CDSN: variants seen among roughly 807,000 people sequenced by gnomAD.
CDSN encodes the protein S protein.
Under a neutral mutation model 25.6 loss-of-function variants are expected in CDSN, and 11 were observed. The observed-to-expected ratio is 0.43, with a 90% CI of 0.27 to 0.71. The LOEUF (loss-of-function observed/expected upper bound fraction) is 0.71, where lower values mean the gene tolerates loss of function less well. Ranked by LOEUF, CDSN falls within the 30% of genes least tolerant of loss-of-function variation. The pLI is 0.20. For synonymous variants in CDSN, 266 were observed against 267.4 expected (o/e 0.99, Z 0.05); for missense variants, 598 against 670.9 (o/e 0.89, Z 1.20).
At position 31,116,647 on chromosome 6, in the gene CDSN, T is replaced by C; in HGVS notation, c.968A>G (p.Tyr323Cys). The C allele has an allele frequency of 1.2e-6, 2 of 1,612,894 alleles. No homozygotes were observed. The highest frequency in any genetic ancestry group is 8.5e-7 in the Non-Finnish European group (1 of 1,180,000). ...TTTCACAGGGTTCTCTTTGGTGAAG[T>C]AGCCCACAGGGTAGATTTTACCCTT... ...YSKGKIYPVG[Y>C]FTKENPVKGS... The change falls in exon 2 of 2, where the codon TAC (tyrosine) becomes TGC (cysteine). Residue 323 changes from tyrosine (Y) to cysteine (C), a missense_variant. Tyr to Cys is a radical substitution (Grantham distance 194). Transcript: ENST00000376288.
In CDSN at chr6:31,120,388, C is replaced by G. The variant is rs371334209; in HGVS notation, c.32G>C (p.Arg11Pro). 6.3e-7 allele frequency: 1 copy of G among 1,593,810 alleles called. No individual in the cohort carries two copies. Among genetic ancestry groups the G allele is most frequent in the Non-Finnish European group, 8.5e-7 (1 of 1,170,872 alleles). MGSSRAPWMG[R>P]VGGHGMMALL... ...TGCCATCATCCCGTGCCCACCCACA[C>G]GCCCCATCCAGGGTGCCCGAGACGA... The change falls in exon 1 of 2, where the codon CGT (arginine) becomes CCT (proline). Residue 11 changes from arginine to proline, a missense_variant. Transcript: ENST00000376288.
rs1342112178 is a variant in CDSN, at chr6:31,117,398, T to C, written c.217A>G (p.Ser73Gly). Reference protein sequence around the residue: ...SGFSSYSGSSSSGSSISSARS... With the variant: ...SGFSSYSGSSGSGSSISSARS... ...GCACTGGAAATGGAGCTGCCAGAAC[T>C]GCTGGAGCCACTGTAGCTACTGAAA... Residue 73 changes from serine (S) to glycine (G), a missense_variant, in exon 2 of 2, where the codon AGT (serine) becomes GGT (glycine). Physicochemically the swap from Ser to Gly is moderately conservative, Grantham distance 56. Transcript: ENST00000376288. 4.5e-6 allele frequency: 7 copies of C among 1,567,922 alleles called. No homozygotes were observed. Among genetic ancestry groups the C allele is most frequent in the Non-Finnish European group, 6.0e-6 (7 of 1,157,054 alleles).
In CDSN at chr6:31,120,400, G is replaced by T; in HGVS notation, c.20C>A (p.Pro7His). Residue 7 changes from proline to histidine, a missense_variant, in exon 1 of 2, where the codon CCC (proline) becomes CAC (histidine). Transcript: ENST00000376288. ...GTGCCCACCCACACGCCCCATCCAGGGTGCCCGAGACGAGCCCATCTCGGA... is the reference window on the plus strand; with the variant it reads ...GTGCCCACCCACACGCCCCATCCAGTGTGCCCGAGACGAGCCCATCTCGGA... MGSSRAPWMGRVGGHGM... is the reference protein window; with the variant it reads MGSSRAHWMGRVGGHGM... 6.3e-7 allele frequency: 1 copy of T among 1,591,352 alleles called. No homozygotes were observed. The highest frequency in any genetic ancestry group is 8.6e-7 in the Non-Finnish European group (1 of 1,169,500).
chr6:31,116,208 C>G lies in CDSN; in HGVS notation c.1407G>C (p.Gly469=). The change falls in exon 2 of 2, where the codon GGG becomes GGC. Residue 469 remains glycine (G), a synonymous_variant. Transcript: ENST00000376288. Reference sequence around the variant, plus strand: ...CAGGATGGGGAGAGCCATCGGGGCCCCCAGTCAGTGTCAAGGAGGAGACAG... The same window carrying G: ...CAGGATGGGGAGAGCCATCGGGGCCGCCAGTCAGTGTCAAGGAGGAGACAG... ...CMSVSSLTLT[G]GPDGSPHPDP... 6.2e-7 allele frequency: 1 copy of G among 1,613,800 alleles called. No individual in the cohort carries two copies. Among genetic ancestry groups the G allele is most frequent in the Non-Finnish European group, 8.5e-7 (1 of 1,179,810 alleles).
In CDSN at chr6:31,117,247, G is replaced by C. The variant is rs201886677; in HGVS notation, c.368C>G (p.Ser123Cys). 32 of 1,611,794 alleles carry C rather than the reference G, an allele frequency of 2.0e-5. No homozygotes were observed. The highest frequency in any genetic ancestry group is 1.5e-4 in the Admixed American group (9 of 59,888). ...GGAACCGGATGCACCTTGTAGACTA[G>C]AGCCAGATCCGGAGGAGTAGCTGAC... ...SQVSYSSGSG[S>C]SLQGASGSSQ... Residue 123 changes from serine (S) to cysteine (C), a missense_variant, in exon 2 of 2, where the codon TCT becomes TGT. Ser to Cys is a moderately radical substitution (Grantham distance 112, BLOSUM62 -1). Transcript: ENST00000376288.
rs1772120948 is a variant in CDSN, at chr6:31,116,373, G to A, written c.1242C>T (p.Pro414=). ...AGGGGCTCTGGGAAGCACTGCCGCA[G>A]GGATGGTAGGGTAAACCGGAGCTGC... is the stretch of plus-strand genomic sequence containing the variant. ...ISSSSGLPYH[P]CGSASQSPCS... is the part of the protein sequence containing the mutation. The change falls in exon 2 of 2, where the codon CCC becomes CCT. Residue 414 remains proline, a synonymous_variant. Transcript: ENST00000376288. 1.2e-6 allele frequency: 2 copies of A among 1,609,152 alleles called. No individual in the cohort carries two copies. Among genetic ancestry groups the A allele is most frequent in the African/African-American group, 2.7e-5 (2 of 74,832 alleles).
chr6:31,117,500 A>G lies in CDSN; in HGVS notation c.115T>C (p.Ser39Pro). Reference protein sequence around the residue: ...GTLAKSIGTFSDPCKDPTRIT... With the variant: ...GTLAKSIGTFPDPCKDPTRIT... ...CGCGTGGGGTCCTTACAAGGGTCTG[A>G]GAAGGTGCCAATGCTCTTAGCCAAG... Residue 39 changes from serine to proline, a missense_variant, in exon 2 of 2, where the codon TCA (serine) becomes CCA (proline). Transcript: ENST00000376288. 6.4e-6 allele frequency: 10 copies of G among 1,551,172 alleles called. No homozygotes were observed. The highest frequency in any genetic ancestry group is 8.7e-6 in the Non-Finnish European group (10 of 1,147,444).
At chr6:31,117,770 G>T (rs3130555) in intron 1 of CDSN, 42 of 554,068 alleles carry the variant, frequency 7.6e-5, no homozygotes, top group Non-Finnish European at 1.2e-4. Flanking sequence ...TAGAAAATTA[G>T]GTGCCAAAGT....
In CDSN at chr6:31,116,206, C is replaced by A; in HGVS notation, c.1409G>T (p.Gly470Val). 1.2e-6 allele frequency: 2 copies of A among 1,613,682 alleles called. No individual in the cohort carries two copies. The highest frequency in any genetic ancestry group is 8.5e-7 in the Non-Finnish European group (1 of 1,179,782). ...MSVSSLTLTGGPDGSPHPDPS... is the reference protein window; with the variant it reads ...MSVSSLTLTGVPDGSPHPDPS... ...ATCAGGATGGGGAGAGCCATCGGGG[C>A]CCCCAGTCAGTGTCAAGGAGGAGAC... is the stretch of plus-strand genomic sequence containing the variant. The change falls in exon 2 of 2, where the codon GGC becomes GTC. Residue 470 changes from glycine (G) to valine (V), a missense_variant. Gly to Val is a moderately radical substitution (Grantham distance 109, BLOSUM62 -3). Coordinates refer to ENST00000376288, the MANE Select transcript of CDSN (RefSeq NM_001264.5).
chr6:31,116,737 T>C lies in CDSN; in HGVS notation c.878A>G (p.Tyr293Cys), dbSNP rs145197060. ...GCCACCCACCACCTCGTAGCCACCA[T>C]AGGATTTGTCTACAGAGGTGATTGG... ...CPPITSVDKS[Y>C]GGYEVVGGSS... The change falls in exon 2 of 2, where the codon TAT becomes TGT. Residue 293 changes from tyrosine to cysteine, a missense_variant. Physicochemically the swap from Tyr to Cys is radical, Grantham distance 194. Coordinates refer to ENST00000376288, the MANE Select transcript of CDSN (RefSeq NM_001264.5). The C allele has an allele frequency of 1.6e-5, 26 of 1,612,818 alleles. No homozygotes were observed. The highest frequency in any genetic ancestry group is 5.0e-5 in the Admixed American group (3 of 59,996).
rs1456520487 is a variant in CDSN at position 31,116,109 on chromosome 6, G to A, written c.1506C>T (p.Ile502=). The change falls in exon 2 of 2, where the codon ATC becomes ATT. Residue 502 remains isoleucine, a synonymous_variant. Transcript: ENST00000376288. ...GCCCCAGAGGCTTCACTTGGGCTAG[G>A]ATATCCCGGATGGAGCGGCAGGGGA... is the stretch of plus-strand genomic sequence containing the variant. The part of the protein sequence containing the change: ...GKIPCRSIRD[I]LAQVKPLGPQ... 1.9e-6 allele frequency: 3 copies of A among 1,611,332 alleles called. No homozygotes were observed. Among genetic ancestry groups the A allele is most frequent in the East Asian group, 2.2e-5 (1 of 44,828 alleles).
Position 31,115,967 on chromosome 6 carries a change from G to A in CDSN, c.*58C>T. Reference sequence around the variant, plus strand: ...TGGGCACTGGACTTCTCCCATATGGGATATAGTGTATGTGCTTGTTTGTGC... The same window carrying A: ...TGGGCACTGGACTTCTCCCATATGGAATATAGTGTATGTGCTTGTTTGTGC... On this transcript the variant is annotated 3_prime_UTR_variant, in exon 2 of 2. Coordinates refer to ENST00000376288, the MANE Select transcript of CDSN (RefSeq NM_001264.5). The surrounding 1 kb of genome is among the most constrained non-coding windows in gnomAD (Gnocchi z 4.2). 6.8e-7 allele frequency: 1 copy of A among 1,464,062 alleles called. No individual in the cohort carries two copies. The highest frequency in any genetic ancestry group is 2.3e-5 in the East Asian group (1 of 43,938). 90.7% of individuals were successfully genotyped at this position (1,464,062 alleles called of 1,614,324 possible). A position where few individuals can be genotyped will look rare whatever the true frequency, so the allele number is the denominator to read the frequency against.
Position 31,117,512 on chromosome 6 carries a change from T to G in CDSN, c.103A>C (p.Ile35Leu), listed in dbSNP as rs760804559. 6.4e-6 allele frequency: 10 copies of G among 1,550,672 alleles called. No homozygotes were observed. Among genetic ancestry groups the G allele is most frequent in the Non-Finnish European group, 8.7e-6 (10 of 1,147,310 alleles). Residue 35 changes from isoleucine (I) to leucine (L), a missense_variant, in exon 2 of 2, where the codon ATT (isoleucine) becomes CTT (leucine). Transcript: ENST00000376288. Reference protein sequence around the residue: ...LLLPGTLAKSIGTFSDPCKDP... With the variant: ...LLLPGTLAKSLGTFSDPCKDP... ...TTACAAGGGTCTGAGAAGGTGCCAA[T>G]GCTCTTAGCCAAGGTCCCTGTGGAG... is the stretch of plus-strand genomic sequence containing the variant.
chr6:31,116,824 GCACCAGAACCGTGCTGGTC>G lies in CDSN; in HGVS notation c.772_790del (p.Asp258ProfsTer26), dbSNP rs1772158752. The G allele has an allele frequency of 6.2e-7, 1 of 1,613,910 alleles. No individual in the cohort carries two copies. The highest frequency in any genetic ancestry group is 8.5e-7 in the Non-Finnish European group (1 of 1,179,984). Reference sequence around the variant, plus strand: ...GGGGGGACCTTGAACCACTCCAGGGGCACCAGAACCGTGCTGGTCCACCACCACCACCACAGGCCTCTGA... The same window carrying G: ...GGGGGGACCTTGAACCACTCCAGGGGCACCACCACCACCACAGGCCTCTGA... On this transcript the variant is annotated frameshift_variant, in exon 2 of 2. Transcript: ENST00000376288. LOFTEE classifies it high-confidence loss of function.
At chr6:31,119,427 T>C (rs1364478158) in intron 1 of CDSN, among the ~76,000 whole-genome samples, 1 of 152,202 alleles carries the variant, frequency 6.6e-6, no homozygotes, top group African/African-American at 2.4e-5. Context: ...GGGCTATAAG[T>C]ACCCGGTGGT....
In CDSN at chr6:31,115,890, G is replaced by A. The variant is rs941335515; in HGVS notation, c.*135C>T. 12 of 761,298 alleles carry A rather than the reference G, an allele frequency of 1.6e-5. No homozygotes were observed. The highest frequency in any genetic ancestry group is 1.6e-4 in the African/African-American group (9 of 57,652). The allele number at this position is 761,298 out of a possible 1,614,324, so 47.2% of individuals were successfully genotyped here. Reference sequence around the variant, plus strand: ...GAGTCTGCAACCTTGGGGTAGTGGAGAAAGCAGAACCACTCTTTTGGGAAG... The same window carrying A: ...GAGTCTGCAACCTTGGGGTAGTGGAAAAAGCAGAACCACTCTTTTGGGAAG... On this transcript the variant is annotated 3_prime_UTR_variant, in exon 2 of 2. Transcript: ENST00000376288. The surrounding 1 kb of genome is among the most constrained non-coding windows in gnomAD (Gnocchi z 4.2).
At position 31,115,933 on chromosome 6, in the gene CDSN, C is replaced by A; in HGVS notation, c.*92G>T. The A allele has an allele frequency of 8.6e-7, 1 of 1,167,994 alleles. No homozygotes were observed. Among genetic ancestry groups the A allele is most frequent in the Non-Finnish European group, 1.3e-6 (1 of 783,590 alleles). 72.4% of individuals were successfully genotyped at this position (1,167,994 alleles called of 1,614,324 possible). On this transcript the variant is annotated 3_prime_UTR_variant, in exon 2 of 2. Coordinates refer to ENST00000376288, the MANE Select transcript of CDSN (RefSeq NM_001264.5). This position sits in a 1 kb window ranked among gnomAD's most constrained non-coding sequence, Gnocchi z 4.2. Reference sequence around the variant, plus strand: ...TTGGGAAGGAGGGAAACTGAGCTAACCCTATGCCTGGGCACTGGACTTCTC... The same window carrying A: ...TTGGGAAGGAGGGAAACTGAGCTAAACCTATGCCTGGGCACTGGACTTCTC...
Position 31,115,250 on chromosome 6 carries a change from A to G in CDSN, c.*775T>C, listed in dbSNP as rs1772045068. ...CTCTCAGAGGAGACCCAGGACTCCA[A>G]GAAGGCAAAAAGTCTGCACCTAGTC... On this transcript the variant is annotated 3_prime_UTR_variant, in exon 2 of 2. Transcript: ENST00000376288. The surrounding 1 kb of genome is among the most constrained non-coding windows in gnomAD (Gnocchi z 4.2). The G allele has an allele frequency of 4.1e-6, 1 of 243,730 alleles. No homozygotes were observed. The highest frequency in any genetic ancestry group is 8.1e-6 in the Non-Finnish European group (1 of 123,622). The allele number at this position is 243,730 out of a possible 1,614,324, so 15.1% of individuals were successfully genotyped here.
rs1043543652 is a variant in CDSN, at chr6:31,115,209, A to G, written c.*816T>C. ...ACACAGAGACCTCTAGAGGCGTAGGAAGAGCACCACCCAGACTCTCAGAGG... is the reference window on the plus strand; with the variant it reads ...ACACAGAGACCTCTAGAGGCGTAGGGAGAGCACCACCCAGACTCTCAGAGG... On this transcript the variant is annotated 3_prime_UTR_variant, in exon 2 of 2. Transcript: ENST00000376288. This position sits in a 1 kb window ranked among gnomAD's most constrained non-coding sequence, Gnocchi z 4.2. The G allele has an allele frequency of 3.3e-6, 1 of 300,422 alleles. No individual in the cohort carries two copies. The allele number at this position is 300,422 out of a possible 1,614,324, so 18.6% of individuals were successfully genotyped here.
Sources: gnomAD v4.1 joint callset for allele counts (sites outside exome capture counted in the v4.1 genomes callset) on GRCh38, gnomAD v4.1.1 for gene constraint, Gnocchi (gnomAD v3.1) non-coding constraint, MANE v1.5 for transcripts, NCBI Gene and HGNC (gene_info 2026-07-23, HGNC 2026-07-21) for gene names.